NEBL: variants seen among roughly 807,000 people sequenced by gnomAD.
The protein encoded by NEBL is LIM and SH3 protein 2.
In NEBL, 122 loss-of-function variants were observed where a neutral mutation model predicts 140.2. That is an observed-to-expected ratio of 0.87 (90% CI 0.75 to 1.01). The LOEUF is 1.01. Ranked by LOEUF, NEBL falls within the 50% of genes least tolerant of loss-of-function variation. The pLI is 0.00. For synonymous variants in NEBL, 436 were observed against 398.9 expected (o/e 1.09, Z -1.11); for missense variants, 1,365 against 1,231.3 (o/e 1.11, Z -1.62).
At position 20,941,472 on chromosome 10, in the gene NEBL, A is replaced by G. The variant is rs575040237; in HGVS notation, c.357+20200T>C. 4.6e-5 allele frequency among the ~76,000 whole-genome samples: 7 copies of G among 152,328 alleles called. No individual in the cohort carries two copies. The East Asian group carries it at 1.2e-3, about 25-fold the overall frequency. On this transcript the variant is annotated intron_variant, in intron 4 of 6. Coordinates refer to the NEBL transcript ENST00000417816. ...GCTATCTATGACAAACCCACAGCCA[A>G]TATCATACCAAATGGGCAAAAAGTG... is the stretch of plus-strand genomic sequence containing the variant.
chr10:21,261,189 T>C (rs1468352760), intron 1 of NEBL, among the ~76,000 whole-genome samples: 6 of 152,138 alleles, frequency 3.9e-5, no homozygotes, highest in Admixed American at 6.5e-5. Context: ...TGAATACACA[T>C]GAAACATCAA....
intron 5 of NEBL, among the ~76,000 whole-genome samples, chr10:20,873,996 G>A (rs551768764): frequency 2.0e-5 from 3 of 152,020 alleles, no homozygotes; most frequent in Non-Finnish European, 4.4e-5. Context: ...CATTTATCTT[G>A]TACTCAAGAT....
intron 9 of NEBL, among the ~76,000 whole-genome samples, chr10:20,856,377 A>G (rs1367511207): frequency 6.6e-6 from 1 of 152,184 alleles, no homozygotes; most frequent in Non-Finnish European, 1.5e-5. Flanking sequence ...CAGCCACCAA[A>G]TGTTGAAATT....
chr10:21,252,187 C>G (rs1336290268), intron 1 of NEBL, among the ~76,000 whole-genome samples: 1 of 152,246 alleles, frequency 6.6e-6, no homozygotes, highest in Admixed American at 6.5e-5. Context: ...TCCTCTATTA[C>G]AGTCTGGTTT....
intron 7 of NEBL, among the ~76,000 whole-genome samples, chr10:20,863,578 A>C (rs1467154484): frequency 6.6e-6 from 1 of 152,130 alleles, no homozygotes; most frequent in Non-Finnish European, 1.5e-5. Flanking sequence ...ACAACACAAT[A>C]TCTCTGCTCT....
At chr10:20,809,922 A>G in intron 24 of NEBL, 24 bp from the exon 25 acceptor site, 3 of 1,513,578 alleles carry the variant, frequency 2.0e-6, no homozygotes, top group Non-Finnish European at 2.8e-6. Context: ...GAAGAAATCA[A>G]CACTCATCAA....
rs894714705 is a variant in NEBL at position 20,925,817 on chromosome 10, T to C, written c.357+35855A>G. On this transcript the variant is annotated intron_variant, in intron 4 of 6. Transcript: ENST00000417816. ...TGCCGGAAAATCTGGACATAGAGCT[T>C]TCTCTAATTAACGACATTTTGGGCA... Among the ~76,000 whole-genome samples, 6 of 152,316 alleles carry C rather than the reference T, an allele frequency of 3.9e-5. No individual in the cohort carries two copies. In the South Asian group the frequency reaches 6.2e-4, roughly 16 times the overall value.
At chr10:21,019,975 G>C (rs555787796) in intron 3 of NEBL, 23 of 755,132 alleles carry the variant, frequency 3.0e-5, no homozygotes, top group Non-Finnish European at 4.3e-5. Context: ...ACTTTCACCC[G>C]GAATTCCCAC....
intron 3 of NEBL, among the ~76,000 whole-genome samples, chr10:20,965,607 C>T (rs544936788): frequency 6.6e-6 from 1 of 152,316 alleles, no homozygotes; most frequent in East Asian, 1.9e-4. Flanking sequence ...AGGATGTTGG[C>T]TTTTCTTCCC....
intron 2 of NEBL, among the ~76,000 whole-genome samples, chr10:21,057,384 C>T (rs1331086329): frequency 1.3e-5 from 2 of 151,564 alleles, no homozygotes. Context: ...TCAAAGGGAC[C>T]TTGCACATAT....
Position 20,978,166 on chromosome 10 carries a change from G to A in NEBL, c.250-16387C>T, listed in dbSNP as rs553047909. On this transcript the variant is annotated intron_variant, in intron 3 of 6. Coordinates refer to the NEBL transcript ENST00000417816. Reference sequence around the variant, plus strand: ...AATTCCCCAGCTAAAAGACAGACCCGAAATGAGATTCAAGTTTATCCAACC... The same window carrying A: ...AATTCCCCAGCTAAAAGACAGACCCAAAATGAGATTCAAGTTTATCCAACC... Among the ~76,000 whole-genome samples the A allele has an allele frequency of 4.6e-5, 7 of 152,242 alleles. No homozygotes were observed. The East Asian group carries it at 5.8e-4, about 13-fold the overall frequency.
At chr10:20,846,780 A>C (rs1841990032) in intron 11 of NEBL, among the ~76,000 whole-genome samples, 1 of 152,160 alleles carries the variant, frequency 6.6e-6, no homozygotes, top group Admixed American at 6.5e-5. Context: ...TGGAAAAAAA[A>C]GTTATTTTAC....
At chr10:20,915,606 T>C (rs1184164094) in intron 4 of NEBL, among the ~76,000 whole-genome samples, 6 of 151,800 alleles carry the variant, frequency 4.0e-5, no homozygotes, top group African/African-American at 1.5e-4. Context: ...TATGGCTGCA[T>C]AGTATTCCAT....
chr10:20,977,386 G>C (rs1836848534), intron 3 of NEBL, among the ~76,000 whole-genome samples: 1 of 152,302 alleles, frequency 6.6e-6, no homozygotes, highest in African/African-American at 2.4e-5. Context: ...ATCTGCACCT[G>C]ACATCTAAAT....
chr10:21,156,031 A>G (rs1273598749), intron 2 of NEBL, among the ~76,000 whole-genome samples: 3 of 152,118 alleles, frequency 2.0e-5, no homozygotes, highest in African/African-American at 7.2e-5. Context: ...TTTCAAAACA[A>G]CGGTTCATAG....
intron 3 of NEBL, chr10:21,218,281 T>C (rs1842024154): frequency 6.6e-6 from 1 of 152,218 alleles, no homozygotes; most frequent in Admixed American, 6.5e-5. Flanking sequence ...TTACCATCGA[T>C]AAAAGTAATG....
intron 4 of NEBL, among the ~76,000 whole-genome samples, chr10:20,946,492 C>T (rs547784971): frequency 2.0e-5 from 3 of 152,040 alleles, no homozygotes; most frequent in Non-Finnish European, 4.4e-5. Context: ...GACAGGATCT[C>T]GCTCTGTCAC....
intron 16 of NEBL, 98 bp from the exon 17 acceptor site, chr10:20,828,732 G>T: frequency 2.5e-6 from 2 of 804,752 alleles, no homozygotes; most frequent in Non-Finnish European, 2.1e-6. Flanking sequence ...GAGAGAGAGA[G>T]AGTAAAAAAC....
At chr10:21,025,580 A>G (rs1838991835) in intron 2 of NEBL, among the ~76,000 whole-genome samples, 1 of 152,226 alleles carries the variant, frequency 6.6e-6, no homozygotes, top group South Asian at 2.1e-4. Context: ...AGGAAGCGAC[A>G]TAAGCAAATG....
Sources: gnomAD v4.1 joint callset for allele counts (sites outside exome capture counted in the v4.1 genomes callset) on GRCh38, gnomAD v4.1.1 for gene constraint, MANE v1.5 for transcripts, NCBI Gene and HGNC (gene_info 2026-07-23, HGNC 2026-07-21) for gene names.